TMPRSS15: variants seen among roughly 807,000 people sequenced by gnomAD.
The protein encoded by TMPRSS15 is transmembrane serine protease 15, also known as enteropeptidase.
TMPRSS15 carries 128 observed loss-of-function variants against 125.3 expected under a neutral mutation model. That is an observed-to-expected ratio of 1.02 (90% CI 0.89 to 1.18). The LOEUF is 1.18. TMPRSS15 is among the 50% of genes most tolerant of loss of function. TMPRSS15 has a pLI of 0.00. For synonymous variants in TMPRSS15, 446 were observed against 423.2 expected, an observed-to-expected ratio of 1.05 and a Z score of -0.66; for missense variants, 1,283 against 1,212.7, an observed-to-expected ratio of 1.06 and a Z score of -0.86.
chr21:18,433,447 C>A (rs191614391), intron 1 of TMPRSS15, among the ~76,000 whole-genome samples: 9 of 151,896 alleles, frequency 5.9e-5, no homozygotes, highest in African/African-American at 1.9e-4. Context: ...AATTGTAACA[C>A]TTTGGGAGGC....
At chr21:18,355,721 T>C (rs921978505) in intron 8 of TMPRSS15, among the ~76,000 whole-genome samples, 2 of 151,818 alleles carry the variant, frequency 1.3e-5, no homozygotes, top group African/African-American at 4.8e-5. Context: ...GGAGTAAAAG[T>C]AATTCTCATG....
rs187709159 is a variant in TMPRSS15 at position 18,376,680 on chromosome 21, C to T, written c.532+2603G>A. 1.1e-4 allele frequency among the ~76,000 whole-genome samples: 17 copies of T among 152,204 alleles called. No homozygotes were observed. The East Asian group carries it at 1.5e-3, about 14-fold the overall frequency. On this transcript the variant is annotated intron_variant, in intron 5 of 24. Transcript: ENST00000284885. ...CTGTAGTGTAGAAATCCCTCAAACA[C>T]GGGAGCAATTGCCAAAACACCCCCT...
chr21:18,334,573 G>A (rs1257086226), intron 13 of TMPRSS15, among the ~76,000 whole-genome samples: 1 of 152,116 alleles, frequency 6.6e-6, no homozygotes, highest in East Asian at 1.9e-4. Flanking sequence ...ATGTTCCTTT[G>A]CATTACCTGC....
intron 13 of TMPRSS15, among the ~76,000 whole-genome samples, chr21:18,333,091 C>G (rs931103335): frequency 6.6e-6 from 1 of 151,968 alleles, no homozygotes; most frequent in Non-Finnish European, 1.5e-5. Context: ...TGGGGCCTTT[C>G]GGAGGGTGGA....
chr21:18,392,727 G>A (rs1256098126), intron 3 of TMPRSS15, among the ~76,000 whole-genome samples: 1 of 152,204 alleles, frequency 6.6e-6, no homozygotes, highest in Non-Finnish European at 1.5e-5. Context: ...AAGGAAGGAA[G>A]TTTAATTGAC....
chr21:18,457,298 A>C (rs1020376857), intron 1 of TMPRSS15, among the ~76,000 whole-genome samples: 1 of 152,156 alleles, frequency 6.6e-6, no homozygotes, highest in African/African-American at 2.4e-5. Flanking sequence ...CAGTCTTAAA[A>C]TATTTGAGGC....
intron 24 of TMPRSS15, among the ~76,000 whole-genome samples, chr21:18,274,282 A>G (rs1489510525): frequency 6.6e-6 from 1 of 152,182 alleles, no homozygotes; most frequent in African/African-American, 2.4e-5. Context: ...CCAAAGTCTC[A>G]CCAATAAGTG....
At chr21:18,474,851 A>T (rs1177695982) in intron 1 of TMPRSS15, among the ~76,000 whole-genome samples, 1 of 152,158 alleles carries the variant, frequency 6.6e-6, no homozygotes, top group Non-Finnish European at 1.5e-5. Flanking sequence ...TTTTCTGTGT[A>T]GTGGGGCAAT....
intron 7 of TMPRSS15, among the ~76,000 whole-genome samples, 183 bp downstream of exon 7, chr21:18,364,957 G>A (rs1244640473): frequency 6.6e-6 from 1 of 152,134 alleles, no homozygotes; most frequent in Non-Finnish European, 1.5e-5. Flanking sequence ...TCATAGCACA[G>A]AATAGCTTTT....
intron 1 of TMPRSS15, among the ~76,000 whole-genome samples, chr21:18,454,105 A>G (rs1978392838): frequency 2.0e-5 from 3 of 152,206 alleles, no homozygotes; most frequent in Admixed American, 2.0e-4. Flanking sequence ...TTAATTTTAC[A>G]ACAATGGAGA....
At chr21:18,312,310 A>G (rs1265525173) in intron 18 of TMPRSS15, among the ~76,000 whole-genome samples, 2 of 151,932 alleles carry the variant, frequency 1.3e-5, no homozygotes, top group Non-Finnish European at 2.9e-5. Context: ...GATGCAAGCT[A>G]TTAATGCATT....
chr21:18,410,264 C>T (rs1038293140), intron 1 of TMPRSS15, among the ~76,000 whole-genome samples: 1 of 151,792 alleles, frequency 6.6e-6, no homozygotes, highest in Non-Finnish European at 1.5e-5. Context: ...ACAAAGGTTC[C>T]TTTGTACTAA....
chr21:18,297,908 A>G, intron 18 of TMPRSS15, 79 bp from the exon 19 acceptor site: 1 of 1,101,704 alleles, frequency 9.1e-7, no homozygotes, highest in East Asian at 2.4e-5. Context: ...CAGTTCCTTA[A>G]TGCTATGGAC....
chr21:18,484,913 T>C (rs888539508), intron 1 of TMPRSS15, among the ~76,000 whole-genome samples: 3 of 152,010 alleles, frequency 2.0e-5, no homozygotes, highest in East Asian at 3.9e-4. Flanking sequence ...CTTGCATTAA[T>C]TCATAAATTT....
intron 10 of TMPRSS15, among the ~76,000 whole-genome samples, chr21:18,349,230 C>T (rs144698038): frequency 1.1e-4 from 17 of 152,290 alleles, no homozygotes; most frequent in African/African-American, 3.1e-4. Context: ...TTGTCCTGAG[C>T]CTTCTAAATG....
intron 6 of TMPRSS15, among the ~76,000 whole-genome samples, chr21:18,366,983 C>T (rs1046480781): frequency 3.3e-5 from 5 of 151,842 alleles, no homozygotes; most frequent in African/African-American, 1.2e-4. Flanking sequence ...AAATAGAAAT[C>T]TTGATTAAAA....
intron 5 of TMPRSS15, among the ~76,000 whole-genome samples, chr21:18,373,365 G>T (rs986012066): frequency 6.6e-6 from 1 of 151,898 alleles, no homozygotes; most frequent in South Asian, 2.1e-4. Flanking sequence ...TTCATGGAAC[G>T]CCCAACATCT....
intron 1 of TMPRSS15, among the ~76,000 whole-genome samples, chr21:18,471,231 T>C (rs940749013): frequency 1.3e-5 from 2 of 152,112 alleles, no homozygotes; most frequent in African/African-American, 4.8e-5. Context: ...ACAAAAAGAA[T>C]GTCCTATTTG....
chr21:18,341,208 T>C (rs1250679355), intron 13 of TMPRSS15, among the ~76,000 whole-genome samples: 2 of 152,116 alleles, frequency 1.3e-5, no homozygotes, highest in African/African-American at 4.8e-5. Flanking sequence ...ACTACAGGTA[T>C]GCACCACTGT....
Sources: allele counts gnomAD v4.1 joint callset (sites outside exome capture counted in the v4.1 genomes callset), GRCh38; gene constraint gnomAD v4.1.1; transcripts MANE v1.5; gene names NCBI Gene and HGNC (gene_info 2026-07-23, HGNC 2026-07-21).